The following OPCML variants were observed in gnomAD, a reference collection of about 807,000 sequenced individuals.
OPCML encodes opioid binding protein/cell adhesion molecule like.
Under a neutral mutation model 37.8 loss-of-function variants are expected in OPCML, and 13 were observed. The observed-to-expected ratio is 0.34, with a 90% CI of 0.22 to 0.55. The LOEUF is 0.55. OPCML is among the 20% of genes least tolerant of loss of function. The pLI, the probability that OPCML is intolerant of heterozygous loss-of-function variation, is 0.91. For missense variants in OPCML, 341 were observed against 435.6 expected, an observed-to-expected ratio of 0.78 and a Z score of 1.93; for synonymous variants, 176 against 168.8, an observed-to-expected ratio of 1.04 and a Z score of -0.33.
chr11:133,035,186 C>T (rs900693785), intron 1 of OPCML, among the ~76,000 whole-genome samples: 1 of 152,310 alleles, frequency 6.6e-6, no homozygotes, highest in Non-Finnish European at 1.5e-5. Flanking sequence ...GCCAGCCCGA[C>T]AGGGGAGGGT....
chr11:132,850,344 C>T (rs1941749006), intron 2 of OPCML, among the ~76,000 whole-genome samples: 1 of 152,190 alleles, frequency 6.6e-6, no homozygotes, highest in Non-Finnish European at 1.5e-5. Context: ...ATCAATCCCC[C>T]TTTGCCCATT....
At chr11:132,810,444 G>A (rs184851793) in intron 2 of OPCML, among the ~76,000 whole-genome samples, 27 of 152,240 alleles carry the variant, frequency 1.8e-4, no homozygotes, top group Non-Finnish European at 2.9e-4. Context: ...GGTGGCTCAC[G>A]CCTGTAATCC....
intron 1 of OPCML, among the ~76,000 whole-genome samples, chr11:133,504,253 G>A (rs552941639): frequency 1.3e-5 from 2 of 152,326 alleles, no homozygotes; most frequent in East Asian, 3.9e-4. Flanking sequence ...ATCCAAGGTT[G>A]CCTGACATCT....
chr11:132,960,586 C>G (rs1265212503), intron 1 of OPCML, among the ~76,000 whole-genome samples: 4 of 152,322 alleles, frequency 2.6e-5, no homozygotes, highest in Non-Finnish European at 5.9e-5. Flanking sequence ...CACCATCTCC[C>G]TCCCCCTCTC....
In OPCML at chr11:132,516,925, A is replaced by T. The variant is rs141705083; in HGVS notation, c.505+12136T>A. Among the ~76,000 whole-genome samples the T allele has an allele frequency of 2.2e-3, 342 of 152,186 alleles. 6 individuals carry two copies. Among genetic ancestry groups the T allele is most frequent in the African/African-American group, 7.5e-3 (313 of 41,512 alleles). ...CGAACCTCTTCTGCTGCCCACCCAG[A>T]GTTCTAAATCCAGCCACAAGTTCTT... On this transcript the variant is annotated intron_variant, in intron 4 of 7. Transcript: ENST00000524381.
chr11:132,626,981 T>C (rs1373231343), intron 3 of OPCML, among the ~76,000 whole-genome samples: 3 of 151,622 alleles, frequency 2.0e-5, no homozygotes, highest in Non-Finnish European at 4.4e-5. Context: ...ATGAAACACA[T>C]CACACCTGCC....
chr11:132,617,439 C>A (rs1231272594), intron 3 of OPCML, among the ~76,000 whole-genome samples: 1 of 152,158 alleles, frequency 6.6e-6, no homozygotes, highest in African/African-American at 2.4e-5. Context: ...TCAACATGTG[C>A]AGAATGGAAC....
intron 1 of OPCML, among the ~76,000 whole-genome samples, chr11:132,977,715 C>T (rs1382107761): frequency 6.6e-6 from 1 of 152,144 alleles, no homozygotes; most frequent in Non-Finnish European, 1.5e-5. Flanking sequence ...CGGTGACCCA[C>T]CTGATCTACA....
At chr11:132,787,208 T>G (rs867963591) in intron 2 of OPCML, among the ~76,000 whole-genome samples, 2 of 152,202 alleles carry the variant, frequency 1.3e-5, no homozygotes, top group Non-Finnish European at 2.9e-5. Context: ...GCATCCACTG[T>G]GTAATAATCA....
At chr11:133,368,050 C>T (rs990962179) in intron 1 of OPCML, among the ~76,000 whole-genome samples, 2 of 152,262 alleles carry the variant, frequency 1.3e-5, no homozygotes, top group African/African-American at 4.8e-5. Context: ...TTAGGCAGTC[C>T]TTGGAGGAAT....
chr11:133,226,788 G>C (rs756076434), intron 1 of OPCML, among the ~76,000 whole-genome samples: 3 of 152,086 alleles, frequency 2.0e-5, no homozygotes, highest in Non-Finnish European at 4.4e-5. Context: ...GAGAGGAGGA[G>C]GAGCTGGATA....
chr11:133,222,644 A>G (rs1421880151), intron 1 of OPCML, among the ~76,000 whole-genome samples: 2 of 152,272 alleles, frequency 1.3e-5, no homozygotes, highest in Non-Finnish European at 2.9e-5. Flanking sequence ...CAGCCCGTCC[A>G]GCTCTGTCTG....
chr11:133,118,995 G>A (rs11822969), intron 1 of OPCML, among the ~76,000 whole-genome samples: 2,757 of 152,322 alleles, frequency 0.018, 82 homozygotes, highest in African/African-American at 0.062. Context: ...CTGGCTTTCT[G>A]TGTGAGGCTC....
intron 4 of OPCML, among the ~76,000 whole-genome samples, chr11:132,485,836 A>G (rs753228844): frequency 6.6e-6 from 1 of 152,178 alleles, no homozygotes; most frequent in African/African-American, 2.4e-5. Flanking sequence ...CTGTATAACT[A>G]TTATAAATAA....
At chr11:132,436,523 C>T in intron 6 of OPCML, 136 bp downstream of exon 6, 1 of 1,451,022 alleles carries the variant, frequency 6.9e-7, no homozygotes, top group South Asian at 1.5e-5. Context: ...TAAAAATAGA[C>T]TTTGTTACAA....
chr11:133,216,074 A>G (rs1030291756), intron 1 of OPCML, among the ~76,000 whole-genome samples: 1 of 152,068 alleles, frequency 6.6e-6, no homozygotes, highest in African/African-American at 2.4e-5. Flanking sequence ...AAAGCCACAG[A>G]ATGTGTGGGT....
chr11:133,112,926 C>G (rs927400873), intron 1 of OPCML, among the ~76,000 whole-genome samples: 3 of 152,198 alleles, frequency 2.0e-5, no homozygotes, highest in Non-Finnish European at 2.9e-5. Flanking sequence ...GAGGAAAGGT[C>G]AGATGACACA....
intron 1 of OPCML, among the ~76,000 whole-genome samples, chr11:133,081,105 G>A (rs142857585): frequency 8.5e-5 from 13 of 152,324 alleles, no homozygotes; most frequent in African/African-American, 3.1e-4. Context: ...GCTATTCCTT[G>A]TAGGACACTC....
chr11:133,008,957 A>G, intron 1 of OPCML: 1 of 985,442 alleles, frequency 1.0e-6, no homozygotes, highest in Non-Finnish European at 1.2e-6. Context: ...GCAATTTTCT[A>G]CATTACTGAG....
Sources: allele counts gnomAD v4.1 joint callset (sites outside exome capture counted in the v4.1 genomes callset), GRCh38; gene constraint gnomAD v4.1.1; transcripts MANE v1.5; gene names NCBI Gene and HGNC (gene_info 2026-07-23, HGNC 2026-07-21).